MIS18A: variants seen among roughly 807,000 people sequenced by gnomAD.
The protein encoded by MIS18A is MIS18 kinetochore protein A, also known as protein Mis18-alpha.
A neutral mutation model predicts 25.0 loss-of-function variants in MIS18A; 14 were observed. The observed-to-expected ratio is 0.56, with a 90% CI of 0.37 to 0.88. The LOEUF is 0.88. Among genes scored for constraint, MIS18A ranks in the 40% least tolerant of loss-of-function variants. MIS18A has a pLI of 0.00. For missense variants in MIS18A, 292 were observed against 290.8 expected (o/e 1.00, Z -0.03); for synonymous variants, 134 against 118.6 (o/e 1.13, Z -0.84).
At chr21:32,256,446 G>A in the MIS18A span, among the ~76,000 whole-genome samples, 53 of 152,246 alleles carry the variant, frequency 3.5e-4, 2 homozygotes, top group African/African-American at 1.3e-3. Context: ...CGGTAGCTAA[G>A]GCCACCTTTG....
chr21:32,206,653 A>G, the MIS18A span, among the ~76,000 whole-genome samples: 6 of 152,332 alleles, frequency 3.9e-5, no homozygotes, highest in South Asian at 1.2e-3. Context: ...TGGCACCGTA[A>G]CGGGAGATGG....
chr21:32,176,499 TA>T, the MIS18A span, among the ~76,000 whole-genome samples: 1 of 152,224 alleles, frequency 6.6e-6, no homozygotes, highest in Non-Finnish European at 1.5e-5. Context: ...TTGTTTAATT[TA>T]AAAAATTCCA....
the MIS18A span, among the ~76,000 whole-genome samples, chr21:32,163,106 A>G: frequency 6.6e-6 from 1 of 152,228 alleles, no homozygotes; most frequent in Admixed American, 6.5e-5. Flanking sequence ...TGTATAGAAG[A>G]ATCAGATGCT....
the MIS18A span, among the ~76,000 whole-genome samples, chr21:32,174,125 C>T: frequency 6.6e-6 from 1 of 151,788 alleles, no homozygotes; most frequent in Non-Finnish European, 1.5e-5. Context: ...CCACCATGCC[C>T]AGTTAATTTT....
chr21:32,268,950 T>C lies in MIS18A; in HGVS notation c.*87A>G, dbSNP rs1170685921. The C allele has an allele frequency of 2.0e-6, 2 of 985,834 alleles. No individual in the cohort carries two copies. The highest frequency in any genetic ancestry group is 1.5e-6 in the Non-Finnish European group (1 of 668,902). The allele number at this position is 985,834 out of a possible 1,614,324, so 61.1% of individuals were successfully genotyped here. On this transcript the variant is annotated 3_prime_UTR_variant, in exon 5 of 5. Transcript: ENST00000290130. ...GCTAATTTTTTTTTTCTTTTTTTTT[T>C]TGTAGAGACGACGTCTCACTATGTT...
chr21:32,241,145 A>G, the MIS18A span, among the ~76,000 whole-genome samples: 4 of 152,230 alleles, frequency 2.6e-5, no homozygotes, highest in South Asian at 4.1e-4. Flanking sequence ...CAGAGTCAAC[A>G]TAGATGGCAC....
Position 32,269,129 on chromosome 21 carries a change from A to T in MIS18A, c.622-12T>A. 6.6e-7 allele frequency: 1 copy of T among 1,516,046 alleles called. No individual in the cohort carries two copies. The highest frequency in any genetic ancestry group is 9.0e-7 in the Non-Finnish European group (1 of 1,112,470). The allele number at this position is 1,516,046 out of a possible 1,614,324, so 93.9% of individuals were successfully genotyped here. ...AAGACATCTTCCATCTATTGAATTT[A>T]AAAAATAAAAAAATAAAGAAACACA... On this transcript the variant is annotated splice_polypyrimidine_tract_variant and intron_variant, in intron 4 of 4. Transcript: ENST00000290130.
the MIS18A span, among the ~76,000 whole-genome samples, chr21:32,178,601 G>A: frequency 6.6e-6 from 1 of 152,196 alleles, no homozygotes; most frequent in African/African-American, 2.4e-5. Context: ...TGAGAAGTCA[G>A]CTATCAATCT....
chr21:32,195,556 C>T, the MIS18A span, among the ~76,000 whole-genome samples: 1 of 152,346 alleles, frequency 6.6e-6, no homozygotes, highest in African/African-American at 2.4e-5. Context: ...GGCACTTGAC[C>T]TGGACCAGAC....
At chr21:32,176,665 A>G in the MIS18A span, among the ~76,000 whole-genome samples, 1 of 152,302 alleles carries the variant, frequency 6.6e-6, no homozygotes, top group African/African-American at 2.4e-5. Flanking sequence ...TCAAGAAGTT[A>G]GAAAACAGCA....
the MIS18A span, among the ~76,000 whole-genome samples, chr21:32,208,734 T>C: frequency 6.6e-6 from 1 of 152,236 alleles, no homozygotes; most frequent in African/African-American, 2.4e-5. Flanking sequence ...ACAGGAGCTT[T>C]GGCCTTCTAG....
chr21:32,164,237 A>G, the MIS18A span, among the ~76,000 whole-genome samples: 1 of 152,288 alleles, frequency 6.6e-6, no homozygotes, highest in African/African-American at 2.4e-5. Context: ...TAAGGAGTAT[A>G]AAGCATCCTG....
At chr21:32,258,525 T>C in the MIS18A span, among the ~76,000 whole-genome samples, 14 of 152,016 alleles carry the variant, frequency 9.2e-5, no homozygotes, top group African/African-American at 3.4e-4. Context: ...CATGGTGAAA[T>C]GCGGCCCCTT....
downstream of MIS18A, among the ~76,000 whole-genome samples, chr21:32,264,060 T>C (rs968566741): frequency 5.3e-5 from 8 of 152,190 alleles, no homozygotes; most frequent in Non-Finnish European, 7.4e-5. Context: ...AATTTCATAC[T>C]GTATAATCAC....
chr21:32,175,096 T>C, the MIS18A span, among the ~76,000 whole-genome samples: 1 of 152,222 alleles, frequency 6.6e-6, no homozygotes, highest in East Asian at 1.9e-4. Flanking sequence ...CTATATGGTA[T>C]AGACTATTGC....
At chr21:32,171,633 A>C in the MIS18A span, among the ~76,000 whole-genome samples, 1 of 152,022 alleles carries the variant, frequency 6.6e-6, no homozygotes, top group Non-Finnish European at 1.5e-5. Flanking sequence ...ACTTGACTGA[A>C]TACTGTAGGC....
the MIS18A span, among the ~76,000 whole-genome samples, chr21:32,226,517 T>C: frequency 6.6e-6 from 1 of 152,088 alleles, no homozygotes; most frequent in Non-Finnish European, 1.5e-5. Context: ...TTTATAGTGA[T>C]AAAAGTATCA....
chr21:32,176,862 T>C, the MIS18A span, among the ~76,000 whole-genome samples: 6 of 151,258 alleles, frequency 4.0e-5, no homozygotes, highest in African/African-American at 1.5e-4. Flanking sequence ...TCCCAGAGAA[T>C]AGAAAAACAG....
intron 2 of MIS18A, among the ~76,000 whole-genome samples, chr21:32,271,653 C>T (rs1439126888): frequency 6.6e-6 from 1 of 152,002 alleles, no homozygotes; most frequent in African/African-American, 2.4e-5. Context: ...GCTATGTTGC[C>T]CAGGCTGGTC....
Sources: allele counts gnomAD v4.1 joint callset (sites outside exome capture counted in the v4.1 genomes callset), GRCh38; gene constraint gnomAD v4.1.1; transcripts MANE v1.5; gene names NCBI Gene and HGNC (gene_info 2026-07-23, HGNC 2026-07-21).